Variants in ABCA7 observed in about 807,000 individuals in gnomAD.
ABCA7 encodes the protein ATP binding cassette subfamily A member 7.
In ABCA7, 261 loss-of-function variants were observed where a neutral mutation model predicts 227.6. The ratio of observed to expected loss-of-function variants is 1.15; its 90% CI spans 1.04 to 1.27. The LOEUF (loss-of-function observed/expected upper bound fraction) is 1.27. ABCA7 is among the 50% of genes most tolerant of loss of function. ABCA7 has a pLI of 0.00. For missense variants in ABCA7, 3,331 were observed against 2,924.5 expected (o/e 1.14, Z -3.21); for synonymous variants, 1,488 against 1,279.7 (o/e 1.16, Z -3.47).
rs767192590 is a variant in ABCA7, at chr19:1,041,429, T to TGTG, written c.66+2_66+3insGTG. 1.9e-6 allele frequency: 3 copies of TGTG among 1,614,004 alleles called. No individual in the cohort carries two copies. The highest frequency in any genetic ancestry group is 2.2e-5 in the East Asian group (1 of 44,878). The stretch of plus-strand genomic sequence containing the variant: ...TTCATGTATCGCCGGAGACAGCCGG[T>TGTG]AACGCCCCAGTGTGAGACCAGGGCC... On this transcript the variant is annotated splice_region_variant and intron_variant, in intron 2 of 46. Coordinates refer to ENST00000263094, the MANE Select transcript of ABCA7 (RefSeq NM_019112.4).
At chr19:1,058,461 C>G (rs1479181570) in intron 37 of ABCA7, among the ~76,000 whole-genome samples, 157 bp from the exon 38 acceptor site, 1 of 152,124 alleles carries the variant, frequency 6.6e-6, no homozygotes, top group Non-Finnish European at 1.5e-5. Context: ...GATTACATCA[C>G]AAGAGGCCTC....
chr19:1,044,760 C>T lies in ABCA7; in HGVS notation c.1215+16C>T. The T allele has an allele frequency of 6.3e-7, 1 of 1,582,176 alleles. No individual in the cohort carries two copies. The highest frequency in any genetic ancestry group is 8.6e-7 in the Non-Finnish European group (1 of 1,166,590). On this transcript the variant is annotated intron_variant, in intron 11 of 46. Transcript: ENST00000263094. ...AGTGACGGAGGTGAGGGCCTGTCCA[C>T]CTGCGGGGTCTGTTTCAGTGGGGAG...
In ABCA7 at chr19:1,057,426, A is replaced by T; in HGVS notation, c.4877A>T (p.Tyr1626Phe). 6.2e-7 allele frequency: 1 copy of T among 1,613,266 alleles called. No individual in the cohort carries two copies. Among genetic ancestry groups the T allele is most frequent in the Non-Finnish European group, 8.5e-7 (1 of 1,179,514 alleles). Residue 1626 changes from tyrosine (Y) to phenylalanine (F), a missense_variant, in exon 35 of 47, where the codon TAT becomes TTT. By Grantham distance (22) the Tyr-to-Phe change is conservative. Transcript: ENST00000263094. The part of the protein sequence containing the change: ...LPALLLLLLL[Y>F]GWSITPLMYP... ...GCTCTCCTGCTGTTGCTACTACTGT[A>T]TGGGTGAGGCCCCCAGTCCCTCAGG...
At chr19:1,057,858 CCT>C in intron 35 of ABCA7, 55 bp from the exon 36 acceptor site, 1 of 1,583,010 alleles carries the variant, frequency 6.3e-7, no homozygotes, top group African/African-American at 1.4e-5. Flanking sequence ...GATTTTTATT[CCT>C]CTCAGGGCTT....
At chr19:1,053,555 G>C in intron 24 of ABCA7, 24 bp downstream of exon 24, 2 of 1,550,814 alleles carry the variant, frequency 1.3e-6, no homozygotes, top group Non-Finnish European at 1.7e-6. Context: ...GTGGTGGTGA[G>C]GTGGGGCCAG....
At position 1,057,945 on chromosome 19, in the gene ABCA7, C is replaced by T; in HGVS notation, c.4911C>T (p.Ala1637=). The part of the protein sequence containing the change: ...GWSITPLMYP[A]SFFFSVPSTA... ...CGATCACACCGCTCATGTACCCAGC[C>T]TCCTTCTTCTTCTCCGTGCCCAGCA... Residue 1637 remains alanine (A), a synonymous_variant, in exon 36 of 47, where the codon GCC becomes GCT. Coordinates refer to ENST00000263094, the MANE Select transcript of ABCA7 (RefSeq NM_019112.4). 1 of 1,614,072 alleles carries T rather than the reference C, an allele frequency of 6.2e-7. No homozygotes were observed. The highest frequency in any genetic ancestry group is 8.5e-7 in the Non-Finnish European group (1 of 1,180,030).
chr19:1,057,410 C>T lies in ABCA7; in HGVS notation c.4861C>T (p.Leu1621=). 6.2e-7 allele frequency: 1 copy of T among 1,613,904 alleles called. No individual in the cohort carries two copies. Residue 1621 remains leucine (L), a synonymous_variant, in exon 35 of 47, where the codon CTG becomes TTG. Coordinates refer to ENST00000263094, the MANE Select transcript of ABCA7 (RefSeq NM_019112.4). ...VAPANLPALL[L]LLLLYGWSIT... Reference sequence around the variant, plus strand: ...CCCTGCCAACCTGCCTGCTCTCCTGCTGTTGCTACTACTGTATGGGTGAGG... The same window carrying T: ...CCCTGCCAACCTGCCTGCTCTCCTGTTGTTGCTACTACTGTATGGGTGAGG...
chr19:1,049,455 C>A lies in ABCA7; in HGVS notation c.2552+18C>A. ...ACCACCCTGTGAGCCCCCAACCACT[C>A]CCTCCCCGTGAGCCCCCCCACTCCC... On this transcript the variant is annotated intron_variant, in intron 18 of 46. Transcript: ENST00000263094. The A allele has an allele frequency of 6.6e-7, 1 of 1,524,418 alleles. No individual in the cohort carries two copies. Among genetic ancestry groups the A allele is most frequent in the African/African-American group, 1.5e-5 (1 of 67,234 alleles). The allele number at this position is 1,524,418 out of a possible 1,614,324, so 94.4% of individuals were successfully genotyped here.
intron 41 of ABCA7, 95 bp from the exon 42 acceptor site, chr19:1,062,077 G>A (rs1599722234): frequency 1.3e-6 from 2 of 1,542,540 alleles, no homozygotes; most frequent in East Asian, 2.3e-5. Flanking sequence ...TTATCAGCGT[G>A]GCCCTGGATG....
At chr19:1,059,144 C>T in intron 40 of ABCA7, 59 bp downstream of exon 40, 1 of 1,569,132 alleles carries the variant, frequency 6.4e-7, no homozygotes, top group Non-Finnish European at 8.7e-7. Flanking sequence ...TACTGCATGC[C>T]CTGCCCATCA....
At chr19:1,050,817 A>ATAATAATAG (rs1428333951) in intron 18 of ABCA7, 104 bp from the exon 19 acceptor site, 2 of 629,356 alleles carry the variant, frequency 3.2e-6, no homozygotes, top group African/African-American at 2.3e-5. Context: ...AATAATAATA[A>ATAATAATAG]TAAATAATTA....
chr19:1,043,071 C>A lies in ABCA7; in HGVS notation c.610C>A (p.Arg204=). The A allele has an allele frequency of 6.2e-7, 1 of 1,608,858 alleles. No homozygotes were observed. Among genetic ancestry groups the A allele is most frequent in the Non-Finnish European group, 8.5e-7 (1 of 1,176,904 alleles). ...LLALRSLVEL[R]ALLQRPRGTS... is the part of the protein sequence containing the mutation. ...GGCGCTGCGCAGCCTGGTGGAGCTTCGGGCACTGCTGCAGAGACCCCGAGG... is the reference window on the plus strand; with the variant it reads ...GGCGCTGCGCAGCCTGGTGGAGCTTAGGGCACTGCTGCAGAGACCCCGAGG... The change falls in exon 8 of 47, where the codon CGG becomes AGG. Residue 204 remains arginine, a synonymous_variant. Coordinates refer to ENST00000263094, the MANE Select transcript of ABCA7 (RefSeq NM_019112.4).
At position 1,063,542 on chromosome 19, in the gene ABCA7, A is replaced by C; in HGVS notation, c.5713-2A>C. 2 of 1,610,224 alleles carry C rather than the reference A, an allele frequency of 1.2e-6. No homozygotes were observed. The highest frequency in any genetic ancestry group is 1.7e-6 in the Non-Finnish European group (2 of 1,179,834). On this transcript the variant is annotated splice_acceptor_variant, in intron 42 of 46. Coordinates refer to ENST00000263094, the MANE Select transcript of ABCA7 (RefSeq NM_019112.4). LOFTEE classifies it high-confidence loss of function. Reference sequence around the variant, plus strand: ...CATGCCTACTCTGGCCCCACCCCACAGACCGCTGGCTCGGGCCTGGCGCGT... The same window carrying C: ...CATGCCTACTCTGGCCCCACCCCACCGACCGCTGGCTCGGGCCTGGCGCGT...
At chr19:1,047,106 C>T (rs1400094521) in intron 14 of ABCA7, 51 bp from the exon 15 acceptor site, 2 of 1,564,050 alleles carry the variant, frequency 1.3e-6, no homozygotes, top group Non-Finnish European at 1.7e-6. Context: ...TGGGTGCGCG[C>T]CCCCAGGCCA....
chr19:1,064,937 G>A lies in ABCA7; in HGVS notation c.6051G>A (p.Ala2017=), dbSNP rs1239106581. 1.3e-6 allele frequency: 2 copies of A among 1,549,550 alleles called. No homozygotes were observed. Among genetic ancestry groups the A allele is most frequent in the East Asian group, 4.9e-5 (2 of 40,852 alleles). ...GSPQHLKGRF[A]AGHTLTLRVP... Reference sequence around the variant, plus strand: ...CTGGCCCCACTCACTGCAGATTCGCGGCGGGTCACACACTGACCCTGCGGG... The same window carrying A: ...CTGGCCCCACTCACTGCAGATTCGCAGCGGGTCACACACTGACCCTGCGGG... The change falls in exon 46 of 47, where the codon GCG becomes GCA. Residue 2017 remains alanine, a synonymous_variant. Coordinates refer to ENST00000263094, the MANE Select transcript of ABCA7 (RefSeq NM_019112.4).
At chr19:1,051,829 T>C (rs1186588927) in intron 21 of ABCA7, 113 bp from the exon 22 acceptor site, 8 of 1,415,502 alleles carry the variant, frequency 5.7e-6, no homozygotes, top group Non-Finnish European at 6.7e-6. Context: ...GATGAGGTTT[T>C]GAGGGATGAA....
chr19:1,051,400 G>C lies in ABCA7; in HGVS notation c.2825-49G>C, dbSNP rs2041620900. On this transcript the variant is annotated intron_variant, in intron 20 of 46. Coordinates refer to ENST00000263094, the MANE Select transcript of ABCA7 (RefSeq NM_019112.4). ...GAGGTCCACGTGGGTAGGCAACCTT[G>C]CCCAAGGCTGGGTGTGACACACTGA... The C allele has an allele frequency of 5.6e-6, 4 of 717,562 alleles. No homozygotes were observed. The East Asian group carries it at 8.5e-5, about 15-fold the overall frequency. 44.4% of individuals were successfully genotyped at this position (717,562 alleles called of 1,614,324 possible).
rs754165162 is a variant in ABCA7 at position 1,048,891 on chromosome 19, G to A, written c.2270-4G>A. On this transcript the variant is annotated splice_region_variant and splice_polypyrimidine_tract_variant and intron_variant, in intron 16 of 46. Transcript: ENST00000263094. ...TAAGCAATAACCCGCGCCCCTCCCC[G>A]CAGGCCAGTACGGGATCCCTGAACC... 40 of 1,584,032 alleles carry A rather than the reference G, an allele frequency of 2.5e-5. No individual in the cohort carries two copies. The highest frequency in any genetic ancestry group is 2.9e-5 in the Non-Finnish European group (34 of 1,163,602).
At chr19:1,040,800 G>T (rs1035788412) in intron 1 of ABCA7, among the ~76,000 whole-genome samples, 1 of 152,172 alleles carries the variant, frequency 6.6e-6, no homozygotes, top group Non-Finnish European at 1.5e-5. Flanking sequence ...GGGTGCCTGG[G>T]TTTGCTTTCT....
Sources: allele counts gnomAD v4.1 joint callset (sites outside exome capture counted in the v4.1 genomes callset), GRCh38; gene constraint gnomAD v4.1.1; transcripts MANE v1.5; gene names NCBI Gene and HGNC (gene_info 2026-07-23, HGNC 2026-07-21).